The following NDST4 variants were observed in gnomAD, a reference collection of about 807,000 sequenced individuals.
The protein encoded by NDST4 is N-deacetylase and N-sulfotransferase 4, also known as N-heparan sulfate sulfotransferase 4.
Under a neutral mutation model 100.8 loss-of-function variants are expected in NDST4, and 63 were observed. That is an observed-to-expected ratio of 0.62 (90% confidence interval 0.51 to 0.77). The LOEUF (loss-of-function observed/expected upper bound fraction) is 0.77. Ranked by LOEUF, NDST4 falls within the 30% of genes least tolerant of loss-of-function variation. NDST4 has a pLI of 0.00. For synonymous variants in NDST4, 377 were observed against 361.8 expected, an observed-to-expected ratio of 1.04 and a Z score of -0.48; for missense variants, 943 against 1,018.4, an observed-to-expected ratio of 0.93 and a Z score of 1.01.
chr4:115,061,885 A>C (rs539026458), intron 2 of NDST4, among the ~76,000 whole-genome samples: 1 of 152,220 alleles, frequency 6.6e-6, no homozygotes, highest in African/African-American at 2.4e-5. Context: ...ATCTTTAAAT[A>C]AATGATATTA....
At chr4:115,010,597 T>A (rs2126260239) in intron 2 of NDST4, among the ~76,000 whole-genome samples, 1 of 126,276 alleles carries the variant, frequency 7.9e-6, no homozygotes, top group South Asian at 3.1e-4. Flanking sequence ...AATGACGAGT[T>A]AATGTGTGCA....
Position 114,940,133 on chromosome 4 carries a change from CAAAT to C in NDST4, c.1222-2634_1222-2631del, listed in dbSNP as rs1413287932. Among the ~76,000 whole-genome samples the C allele has an allele frequency of 2.6e-5, 4 of 152,194 alleles. No individual in the cohort carries two copies. In the East Asian group the frequency reaches 5.8e-4, roughly 22 times the overall value. ...ATATAGACACGTAAATGACAGAAAA[CAAAT>C]AAATTCAAATATGGCTTTAATTATT... is the stretch of plus-strand genomic sequence containing the variant. On this transcript the variant is annotated intron_variant, in intron 4 of 13. Coordinates refer to ENST00000264363, the MANE Select transcript of NDST4 (RefSeq NM_022569.3).
At chr4:114,862,579 G>A (rs546062404) in intron 7 of NDST4, among the ~76,000 whole-genome samples, 2 of 152,192 alleles carry the variant, frequency 1.3e-5, no homozygotes, top group South Asian at 2.1e-4. Flanking sequence ...TTGTGAGCTC[G>A]TTCTTGGTTC....
rs1196712101 is a variant in NDST4, at chr4:115,010,357, TA to T, written c.979-33084del. On this transcript the variant is annotated intron_variant, in intron 2 of 13. Coordinates refer to ENST00000264363, the MANE Select transcript of NDST4 (RefSeq NM_022569.3). ...TACACCATGGAATACTATGCAGCCA[TA>T]AAAAAGGATGAGTTCATGTCCTCTG... 1.3e-4 allele frequency among the ~76,000 whole-genome samples: 17 copies of T among 128,142 alleles called. 6 individuals carry two copies. The highest frequency in any genetic ancestry group is 3.6e-4 in the African/African-American group (12 of 33,644). 84.1% of individuals were successfully genotyped at this position (128,142 alleles called of 152,430 possible). A position where few individuals can be genotyped will look rare whatever the true frequency, so the allele number is the denominator to read the frequency against.
chr4:115,104,826 C>T (rs1302542081), intron 1 of NDST4, among the ~76,000 whole-genome samples: 4 of 152,098 alleles, frequency 2.6e-5, no homozygotes, highest in African/African-American at 7.2e-5. Context: ...CAATACTAAT[C>T]ACTCAGGGGA....
intron 2 of NDST4, among the ~76,000 whole-genome samples, chr4:115,033,464 C>T (rs948357009): frequency 2.0e-5 from 3 of 151,740 alleles, no homozygotes; most frequent in Non-Finnish European, 4.4e-5. Flanking sequence ...TTTTATAAAA[C>T]TTATTTATTC....
At chr4:114,916,536 C>CTG (rs537961796) in intron 6 of NDST4, among the ~76,000 whole-genome samples, 14,608 of 128,746 alleles carry the variant, frequency 0.11, 594 homozygotes, top group East Asian at 0.39. Flanking sequence ...CTGGTAGGCT[C>CTG]TGTGTGTGTG....
At chr4:115,022,390 A>ACG (rs1491254472) in intron 2 of NDST4, among the ~76,000 whole-genome samples, 2 of 13,180 alleles carry the variant, frequency 1.5e-4, no homozygotes, top group South Asian at 3.0e-3. Context: ...TATGTGTTCC[A>ACG]TATATATGTG....
chr4:114,899,003 T>C (rs893716153), intron 6 of NDST4, among the ~76,000 whole-genome samples: 22 of 152,122 alleles, frequency 1.4e-4, no homozygotes, highest in African/African-American at 4.3e-4. Flanking sequence ...CCAATCAGTA[T>C]ACCTTTCGTT....
rs907908892 is a variant in NDST4 at position 115,076,095 on chromosome 4, C to G, written c.942G>C (p.Gly314=). 1.9e-6 allele frequency: 3 copies of G among 1,612,916 alleles called. No homozygotes were observed. In the Admixed American group the frequency reaches 5.0e-5, roughly 27 times the overall value. The part of the protein sequence containing the change: ...ILVDIDDIFV[G]KEGTRMNVKD... ...TGACATTCATCCTTGTTCCCTCTTTCCCAACAAATATATCATCAATGTCCA... is the reference window on the plus strand; with the variant it reads ...TGACATTCATCCTTGTTCCCTCTTTGCCAACAAATATATCATCAATGTCCA... The change falls in exon 2 of 14, where the codon GGG becomes GGC. Residue 314 remains glycine (G), a synonymous_variant. Transcript: ENST00000264363.
intron 6 of NDST4, among the ~76,000 whole-genome samples, chr4:114,891,406 C>A (rs1724593977): frequency 6.6e-6 from 1 of 152,054 alleles, no homozygotes; most frequent in Non-Finnish European, 1.5e-5. Flanking sequence ...GATCATTTCA[C>A]ATTCTTCTCA....
chr4:115,059,847 T>C (rs569324340), intron 2 of NDST4, among the ~76,000 whole-genome samples: 13 of 151,714 alleles, frequency 8.6e-5, no homozygotes, highest in Non-Finnish European at 1.6e-4. Flanking sequence ...ATAGCTCTTA[T>C]AACTTTTATA....
chr4:114,893,770 T>A (rs1344419834), intron 6 of NDST4, among the ~76,000 whole-genome samples: 2 of 152,218 alleles, frequency 1.3e-5, no homozygotes, highest in African/African-American at 4.8e-5. Flanking sequence ...CAATTTTGGC[T>A]TTTGTTGCAT....
At chr4:114,980,271 A>AAT (rs1405725501) in intron 2 of NDST4, among the ~76,000 whole-genome samples, 1 of 152,230 alleles carries the variant, frequency 6.6e-6, no homozygotes, top group African/African-American at 2.4e-5. Flanking sequence ...TTGGGATACA[A>AAT]ATAAAATAGT....
In NDST4 at chr4:115,011,146, G is replaced by A. The variant is rs141572403; in HGVS notation, c.979-33872C>T. On this transcript the variant is annotated intron_variant, in intron 2 of 13. Transcript: ENST00000264363. ...GAAACATTCATGCTATGTACATGCA[G>A]TTTGCCTTCAGAAGCTTAGTACTAA... 4.7e-3 allele frequency among the ~76,000 whole-genome samples: 715 copies of A among 152,080 alleles called. 6 individuals carry two copies. Among genetic ancestry groups the A allele is most frequent in the African/African-American group, 0.016 (684 of 41,546 alleles).
intron 11 of NDST4, among the ~76,000 whole-genome samples, chr4:114,838,511 CT>C (rs1205781281): frequency 6.6e-6 from 1 of 152,098 alleles, no homozygotes; most frequent in Non-Finnish European, 1.5e-5. Context: ...AGTTCATGTC[CT>C]TTGTAGGGAC....
intron 2 of NDST4, among the ~76,000 whole-genome samples, chr4:115,063,683 A>G (rs1368892627): frequency 6.6e-6 from 1 of 151,986 alleles, no homozygotes; most frequent in East Asian, 1.9e-4. Flanking sequence ...CTCGCCACAG[A>G]GAATGACAAA....
chr4:115,065,289 T>C (rs1728923016), intron 2 of NDST4, among the ~76,000 whole-genome samples: 1 of 152,078 alleles, frequency 6.6e-6, no homozygotes, highest in African/African-American at 2.4e-5. Context: ...TACATTGGTG[T>C]TACAGATATA....
At chr4:115,069,007 G>A (rs1396726120) in intron 2 of NDST4, among the ~76,000 whole-genome samples, 9 of 151,930 alleles carry the variant, frequency 5.9e-5, no homozygotes. Context: ...TAATTTTGGA[G>A]TTGACTTATA....
Sources: allele counts gnomAD v4.1 joint callset (sites outside exome capture counted in the v4.1 genomes callset), GRCh38; gene constraint gnomAD v4.1.1; transcripts MANE v1.5; gene names NCBI Gene and HGNC (gene_info 2026-07-23, HGNC 2026-07-21).